The following CDC42BPA variants were observed in gnomAD, a reference collection of about 807,000 sequenced individuals.
CDC42BPA encodes serine/threonine-protein kinase MRCK alpha.
In CDC42BPA, 80 loss-of-function variants were observed where a neutral mutation model predicts 223.5. The observed-to-expected ratio is 0.36, with a 90% CI of 0.30 to 0.43. The LOEUF (loss-of-function observed/expected upper bound fraction) is 0.43, where lower values mean the gene tolerates loss of function less well. Among genes scored for constraint, CDC42BPA ranks in the 20% least tolerant of loss-of-function variants. The pLI, the probability that CDC42BPA is intolerant of heterozygous loss-of-function variation, is 1.00. For missense variants in CDC42BPA, 1,743 were observed against 2,099.9 expected (o/e 0.83, Z 3.32); for synonymous variants, 694 against 718.6 (o/e 0.97, Z 0.55).
At chr1:227,181,227 A>T (rs1225131856) in intron 5 of CDC42BPA, among the ~76,000 whole-genome samples, 1 of 152,230 alleles carries the variant, frequency 6.6e-6, no homozygotes, top group African/African-American at 2.4e-5. Flanking sequence ...ATTGAAAAAA[A>T]GATATGACTG....
rs545379927 is a variant in CDC42BPA, at chr1:227,154,867, T to C, written c.693+5676A>G. Among the ~76,000 whole-genome samples, 4 of 152,152 alleles carry C rather than the reference T, an allele frequency of 2.6e-5. No homozygotes were observed. The East Asian group carries it at 7.7e-4, about 29-fold the overall frequency. On this transcript the variant is annotated intron_variant, in intron 6 of 36. Transcript: ENST00000366766. ...GAAGGATTGTTCACATGTATGTACA[T>C]GTATGGATATAAACCAATATGCTAA...
At chr1:227,226,720 T>C (rs1249212254) in intron 2 of CDC42BPA, among the ~76,000 whole-genome samples, 2 of 152,188 alleles carry the variant, frequency 1.3e-5, no homozygotes, top group Non-Finnish European at 2.9e-5. Flanking sequence ...ATAGAGTCTG[T>C]TTTGAGATGG....
chr1:227,063,593 A>T (rs1291485689), intron 21 of CDC42BPA, among the ~76,000 whole-genome samples: 2 of 152,096 alleles, frequency 1.3e-5, no homozygotes, highest in Admixed American at 1.3e-4. Context: ...TTGAGGAAAA[A>T]ATGCATGTAA....
chr1:227,066,776 C>T (rs1375076146), intron 21 of CDC42BPA, among the ~76,000 whole-genome samples: 1 of 152,202 alleles, frequency 6.6e-6, no homozygotes, highest in East Asian at 1.9e-4. Flanking sequence ...GGCATTATTA[C>T]TGACGGCATT....
intron 16 of CDC42BPA, 114 bp downstream of exon 16, chr1:227,091,772 G>A (rs1342564850): frequency 1.8e-6 from 1 of 543,052 alleles, no homozygotes; most frequent in Non-Finnish European, 3.2e-6. Flanking sequence ...CATAACTCAG[G>A]AGAAAGACTA....
chr1:227,049,519 T>C (rs1468565252), intron 22 of CDC42BPA, among the ~76,000 whole-genome samples: 2 of 152,062 alleles, frequency 1.3e-5, no homozygotes, highest in Admixed American at 1.3e-4. Flanking sequence ...ATTAATGCAA[T>C]TCCAATCAAA....
chr1:227,092,123 AC>A, intron 15 of CDC42BPA, 132 bp from the exon 16 acceptor site: 1 of 572,266 alleles, frequency 1.7e-6, no homozygotes, highest in Non-Finnish European at 3.1e-6. Flanking sequence ...CCCATAGAAT[AC>A]AGCTTGTTTA....
chr1:227,095,195 T>C (rs944475612), intron 15 of CDC42BPA, among the ~76,000 whole-genome samples: 2 of 152,240 alleles, frequency 1.3e-5, no homozygotes, highest in Non-Finnish European at 2.9e-5. Flanking sequence ...AATGAACGTA[T>C]ACTTAATAAC....
At chr1:227,073,260 TCTAA>T (rs1678795536) in intron 19 of CDC42BPA, among the ~76,000 whole-genome samples, 1 of 152,172 alleles carries the variant, frequency 6.6e-6, no homozygotes, top group South Asian at 2.1e-4. Context: ...TTATAATCAG[TCTAA>T]CTGTGAATCA....
intron 1 of CDC42BPA, among the ~76,000 whole-genome samples, chr1:227,285,549 G>A (rs572437499): frequency 1.3e-4 from 20 of 152,210 alleles, no homozygotes; most frequent in East Asian, 9.6e-4. Flanking sequence ...AGGTAATGGC[G>A]TCCCATAAGA....
intron 8 of CDC42BPA, 52 bp from the exon 9 acceptor site, chr1:227,143,076 G>T: frequency 8.6e-7 from 1 of 1,166,328 alleles, no homozygotes; most frequent in Non-Finnish European, 1.2e-6. Flanking sequence ...ATGATCTGTA[G>T]GCTTGGCTAT....
chr1:227,248,128 T>C (rs1048585229), intron 2 of CDC42BPA, among the ~76,000 whole-genome samples: 13 of 152,100 alleles, frequency 8.5e-5, no homozygotes, highest in African/African-American at 2.7e-4. Context: ...CTAAGAGTTA[T>C]TGACCTTAAA....
At chr1:227,312,051 G>C (rs1693629400) in intron 1 of CDC42BPA, among the ~76,000 whole-genome samples, 1 of 152,166 alleles carries the variant, frequency 6.6e-6, no homozygotes, top group South Asian at 2.1e-4. Flanking sequence ...TCAACCTATA[G>C]TAAGAAATAT....
At chr1:227,205,796 C>G (rs576396058) in intron 3 of CDC42BPA, among the ~76,000 whole-genome samples, 9 of 152,160 alleles carry the variant, frequency 5.9e-5, no homozygotes, top group Non-Finnish European at 1.0e-4. Context: ...CACCTGTAAT[C>G]CCAGCACTTT....
chr1:227,202,076 G>A (rs574964559), intron 3 of CDC42BPA, among the ~76,000 whole-genome samples: 2 of 152,124 alleles, frequency 1.3e-5, no homozygotes, highest in South Asian at 2.1e-4. Context: ...CTCTGCCTCC[G>A]GGTGTGAGCA....
chr1:227,311,442 C>A (rs1693519519), intron 1 of CDC42BPA, among the ~76,000 whole-genome samples: 1 of 152,174 alleles, frequency 6.6e-6, no homozygotes, highest in Non-Finnish European at 1.5e-5. Flanking sequence ...GAGAAAAAAT[C>A]TGATAGAACT....
chr1:227,234,706 G>A (rs970010152), intron 2 of CDC42BPA: 1 of 152,226 alleles, frequency 6.6e-6, no homozygotes, highest in Non-Finnish European at 1.5e-5. Context: ...CAGCTCCCAT[G>A]TGACGGAGGC....
At chr1:227,210,263 T>C (rs1558771901) in intron 3 of CDC42BPA, among the ~76,000 whole-genome samples, 2 of 152,174 alleles carry the variant, frequency 1.3e-5, no homozygotes, top group Non-Finnish European at 2.9e-5. Context: ...GGTCAAATGG[T>C]ATTTCGAGGA....
chr1:227,175,851 T>C (rs753281239), intron 5 of CDC42BPA, among the ~76,000 whole-genome samples: 6 of 152,172 alleles, frequency 3.9e-5, no homozygotes, highest in Non-Finnish European at 7.4e-5. Context: ...TTCCCTGCAG[T>C]AGGAAATCGT....
Sources: allele counts gnomAD v4.1 joint callset (sites outside exome capture counted in the v4.1 genomes callset), GRCh38; gene constraint gnomAD v4.1.1; transcripts MANE v1.5; gene names NCBI Gene and HGNC (gene_info 2026-07-23, HGNC 2026-07-21).